PCDH15: variants seen among roughly 807,000 people sequenced by gnomAD.
PCDH15 encodes the protein protocadherin related 15.
In PCDH15, 129 loss-of-function variants were observed where a neutral mutation model predicts 178.5. The observed-to-expected ratio is 0.72, with a 90% CI of 0.63 to 0.84. PCDH15 has a LOEUF of 0.84. PCDH15 is among the 40% of genes least tolerant of loss of function. The pLI is 0.00. For missense variants in PCDH15, 2,230 were observed against 2,099.9 expected (o/e 1.06, Z -1.21); for synonymous variants, 800 against 732.0 (o/e 1.09, Z -1.50).
intron 2 of PCDH15, among the ~76,000 whole-genome samples, chr10:55,581,428 T>C (rs1564464817): frequency 6.6e-6 from 1 of 151,894 alleles, no homozygotes; most frequent in Non-Finnish European, 1.5e-5. Flanking sequence ...TAAATAGATA[T>C]CCAGTTATAA....
intron 2 of PCDH15, among the ~76,000 whole-genome samples, chr10:54,616,627 T>C (rs559119601): frequency 5.3e-5 from 8 of 152,186 alleles, no homozygotes; most frequent in Non-Finnish European, 8.8e-5. Flanking sequence ...TTAACTTTGA[T>C]ACAAAGTACA....
chr10:53,841,517 G>C (rs551777046), intron 28 of PCDH15, among the ~76,000 whole-genome samples: 25 of 152,124 alleles, frequency 1.6e-4, no homozygotes, highest in South Asian at 6.2e-4. Flanking sequence ...TATGTGCTTG[G>C]TTTGCCTTGT....
chr10:55,513,985 G>T (rs1840949741), intron 2 of PCDH15, among the ~76,000 whole-genome samples: 1 of 151,922 alleles, frequency 6.6e-6, no homozygotes, highest in South Asian at 2.1e-4. Flanking sequence ...GTAGACTAGA[G>T]ATCCATGGGG....
At chr10:53,877,549 C>G (rs1589212686) in intron 26 of PCDH15, among the ~76,000 whole-genome samples, 1 of 152,138 alleles carries the variant, frequency 6.6e-6, no homozygotes, top group South Asian at 2.1e-4. Context: ...AAATAACATA[C>G]TTGTTATTTT....
chr10:55,153,582 G>C (rs1447199477), intron 2 of PCDH15, among the ~76,000 whole-genome samples: 4 of 152,136 alleles, frequency 2.6e-5, no homozygotes, highest in African/African-American at 4.8e-5. Context: ...ACCCTCAGTG[G>C]AGGGTCTGTC....
At chr10:53,831,146 C>A in intron 30 of PCDH15, 169 bp downstream of exon 30, 1 of 787,402 alleles carries the variant, frequency 1.3e-6, no homozygotes, top group Non-Finnish European at 2.3e-6. Flanking sequence ...GGAGTTTGTA[C>A]TGTTTTCCTT....
At position 55,443,487 on chromosome 10, in the gene PCDH15, C is replaced by G. The variant is rs144521112; in HGVS notation, c.-156+184138G>C. Among the ~76,000 whole-genome samples, 701 of 152,238 alleles carry G rather than the reference C, an allele frequency of 4.6e-3. 6 individuals are homozygous for G. Among genetic ancestry groups the G allele is most frequent in the African/African-American group, 0.016 (669 of 41,548 alleles). ...AGTGGGCAAAGGTTATGAACAGACA[C>G]TTCTCAAAAGAAGACATTATTGCGG... On this transcript the variant is annotated intron_variant, in intron 2 of 5. Transcript: ENST00000613346.
intron 2 of PCDH15, among the ~76,000 whole-genome samples, chr10:55,051,473 G>C (rs1841159443): frequency 6.6e-6 from 1 of 151,904 alleles, no homozygotes; most frequent in African/African-American, 2.4e-5. Flanking sequence ...ATTTGTACCA[G>C]GTATAAAATG....
At chr10:53,973,857 CA>C (rs1332420963) in intron 21 of PCDH15, among the ~76,000 whole-genome samples, 1 of 152,056 alleles carries the variant, frequency 6.6e-6, no homozygotes. Context: ...GGTAAAGTAA[CA>C]TAGTCTCCTT....
intron 2 of PCDH15, among the ~76,000 whole-genome samples, chr10:54,564,219 C>T (rs561640143): frequency 3.7e-4 from 56 of 152,126 alleles, no homozygotes; most frequent in African/African-American, 1.3e-3. Flanking sequence ...AATGATTATA[C>T]ATCAGACAAG....
At chr10:54,357,915 AG>A (rs1279605529) in intron 5 of PCDH15, among the ~76,000 whole-genome samples, 1 of 152,126 alleles carries the variant, frequency 6.6e-6, no homozygotes, top group Non-Finnish European at 1.5e-5. Flanking sequence ...AAATGGGGAA[AG>A]GATTCCCTAT....
intron 8 of PCDH15, among the ~76,000 whole-genome samples, 160 bp from the exon 9 acceptor site, chr10:54,237,091 G>A (rs535000324): frequency 1.3e-5 from 2 of 152,118 alleles, no homozygotes; most frequent in Non-Finnish European, 2.9e-5. Flanking sequence ...AATTTTGAAT[G>A]TTAAGGGGGA....
intron 32 of PCDH15, chr10:53,823,541 A>AATC (rs1442122753): frequency 1.5e-5 from 11 of 741,478 alleles, no homozygotes; most frequent in African/African-American, 5.2e-5. Flanking sequence ...AGGGCAGAAA[A>AATC]ATCTTAGAGT....
intron 20 of PCDH15, among the ~76,000 whole-genome samples, chr10:54,012,140 A>G (rs1181218151): frequency 1.3e-5 from 2 of 152,170 alleles, no homozygotes; most frequent in Non-Finnish European, 2.9e-5. Flanking sequence ...AGAGTTTTAT[A>G]TTGTGATTGC....
At chr10:55,429,179 T>C (rs916377877) in intron 2 of PCDH15, among the ~76,000 whole-genome samples, 1 of 152,132 alleles carries the variant, frequency 6.6e-6, no homozygotes, top group Non-Finnish European at 1.5e-5. Context: ...TAGTGGTATT[T>C]TTTTTCCTTT....
rs532337892 is a variant in PCDH15 at position 54,251,815 on chromosome 10, T to G, written c.877-14884A>C. ...CTTTCTGTCTTAAATCTCTTCAGTT[T>G]AATTATTTCATTTTTCTTCTGTATC... On this transcript the variant is annotated intron_variant, in intron 8 of 37. Transcript: ENST00000644397. Among the ~76,000 whole-genome samples, 9 of 152,218 alleles carry G rather than the reference T, an allele frequency of 5.9e-5. No individual in the cohort carries two copies. The South Asian group carries it at 1.9e-3, about 32-fold the overall frequency.
In PCDH15 at chr10:53,822,445, CAGGAGGAGGAGA is replaced by C. The variant is rs397517463; in HGVS notation, c.4368-2227_4368-2216del. ...GGAGGAGGAGCAAGAGGAGCAGGAG[CAGGAGGAGGAGA>C]AGGAGGAGAAATAGGAGGAGGAGGG... On this transcript the variant is annotated intron_variant, in intron 32 of 37. Transcript: ENST00000644397. The C allele has an allele frequency of 8.9e-5, 142 of 1,591,384 alleles. No homozygotes were observed. The African/African-American group carries it at 1.3e-3, about 15-fold the overall frequency.
intron 8 of PCDH15, among the ~76,000 whole-genome samples, chr10:54,310,798 T>A (rs1401905285): frequency 1.3e-5 from 2 of 151,890 alleles, no homozygotes; most frequent in African/African-American, 4.8e-5. Flanking sequence ...TCTTTAAAAT[T>A]TAATCATAAT....
chr10:54,643,220 C>G (rs556906150), intron 2 of PCDH15, among the ~76,000 whole-genome samples: 1 of 152,124 alleles, frequency 6.6e-6, no homozygotes, highest in Non-Finnish European at 1.5e-5. Context: ...CCACCACACC[C>G]AGCCATAAAG....
Sources: gnomAD v4.1 joint callset for allele counts (sites outside exome capture counted in the v4.1 genomes callset) on GRCh38, gnomAD v4.1.1 for gene constraint, MANE v1.5 for transcripts, NCBI Gene and HGNC (gene_info 2026-07-23, HGNC 2026-07-21) for gene names.